The following PLCH1 variants were observed in gnomAD, a reference collection of about 807,000 sequenced individuals.
PLCH1 encodes 1-phosphatidylinositol 4,5-bisphosphate phosphodiesterase eta-1.
PLCH1 carries 60 observed loss-of-function variants against 126.7 expected under a neutral mutation model. That is an observed-to-expected ratio of 0.47 (90% CI 0.38 to 0.59). The LOEUF (loss-of-function observed/expected upper bound fraction) is 0.59, where lower values mean the gene tolerates loss of function less well. Ranked by LOEUF, PLCH1 falls within the 20% of genes least tolerant of loss-of-function variation. PLCH1 has a pLI of 0.00. For synonymous variants in PLCH1, 719 were observed against 734.9 expected, an observed-to-expected ratio of 0.98 and a Z score of 0.35; for missense variants, 1,723 against 2,040.0, an observed-to-expected ratio of 0.84 and a Z score of 2.99.
intron 2 of PLCH1, among the ~76,000 whole-genome samples, chr3:155,655,735 T>C (rs556367746): frequency 6.6e-6 from 1 of 151,762 alleles, no homozygotes; most frequent in Non-Finnish European, 1.5e-5. Flanking sequence ...GAGAAGGGGG[T>C]AGTGGGGACT....
chr3:155,497,445 A>C, intron 14 of PLCH1, 28 bp from the exon 15 acceptor site: 1 of 1,508,148 alleles, frequency 6.6e-7, no homozygotes, highest in South Asian at 1.1e-5. Context: ...AGGATGCATG[A>C]CATTTTGGAG....
At chr3:155,463,939 T>G (rs1227414440) in intron 21 of PLCH1, among the ~76,000 whole-genome samples, 1 of 152,222 alleles carries the variant, frequency 6.6e-6, no homozygotes, top group Non-Finnish European at 1.5e-5. Context: ...TTCATCAGTT[T>G]ATCAGATGTT....
chr3:155,743,158 A>C (rs1184498270), intron 1 of PLCH1: 1 of 380,736 alleles, frequency 2.6e-6, no homozygotes, highest in Non-Finnish European at 5.1e-6. Context: ...ACTTTTGCCA[A>C]ATGCTAGGCT....
intron 4 of PLCH1, among the ~76,000 whole-genome samples, chr3:155,591,838 G>A (rs536353698): frequency 2.0e-5 from 3 of 152,104 alleles, no homozygotes; most frequent in Non-Finnish European, 2.9e-5. Flanking sequence ...CTGAGTAGCC[G>A]GCACTACAGG....
chr3:155,510,726 C>T (rs1719329759), intron 12 of PLCH1, among the ~76,000 whole-genome samples: 1 of 104,396 alleles, frequency 9.6e-6, no homozygotes. Flanking sequence ...GAGAGATCCG[C>T]TGTTAGTCTG....
At chr3:155,453,356 A>G (rs969964266) in intron 21 of PLCH1, among the ~76,000 whole-genome samples, 1 of 152,210 alleles carries the variant, frequency 6.6e-6, no homozygotes, top group Non-Finnish European at 1.5e-5. Flanking sequence ...ATATTATTGT[A>G]TAGTGCTAAC....
At chr3:155,644,998 C>T (rs989777523) in intron 2 of PLCH1, among the ~76,000 whole-genome samples, 5 of 152,114 alleles carry the variant, frequency 3.3e-5, no homozygotes, top group African/African-American at 1.2e-4. Context: ...ACAGTACTTC[C>T]TAATTTTCAA....
At chr3:155,589,359 C>T (rs1043438828) in intron 4 of PLCH1, among the ~76,000 whole-genome samples, 11 of 152,070 alleles carry the variant, frequency 7.2e-5, no homozygotes, top group South Asian at 6.3e-4. Flanking sequence ...TCAGAAATTC[C>T]AATAAAACCT....
chr3:155,603,799 A>G (rs1467058051), intron 2 of PLCH1, among the ~76,000 whole-genome samples: 1 of 152,116 alleles, frequency 6.6e-6, no homozygotes, highest in African/African-American at 2.4e-5. Flanking sequence ...TGATCTCTAT[A>G]TAAAACATAA....
chr3:155,480,740 C>G lies in PLCH1; in HGVS notation c.*228G>C. On this transcript the variant is annotated 3_prime_UTR_variant, in exon 23 of 23. Transcript: ENST00000460012. ...GGCATGCACATATTTCATACTGATA[C>G]AGTTTACAACAACTCAAGGGAGAAA... is the stretch of plus-strand genomic sequence containing the variant. 1.2e-5 allele frequency: 6 copies of G among 496,922 alleles called. No homozygotes were observed. Among genetic ancestry groups the G allele is most frequent in the Non-Finnish European group, 2.1e-5 (6 of 280,662 alleles). 30.8% of individuals were successfully genotyped at this position (496,922 alleles called of 1,614,324 possible).
chr3:155,488,014 A>G lies in PLCH1; in HGVS notation c.2619+14T>C, dbSNP rs1411379903. On this transcript the variant is annotated intron_variant, in intron 21 of 22. Coordinates refer to ENST00000460012, the MANE Select transcript of PLCH1 (RefSeq NM_014996.4). ...ATTAATGTATATGACTTTAAATCCTATGATCTTTCTCACCTTTCCATAGAT... is the reference window on the plus strand; with the variant it reads ...ATTAATGTATATGACTTTAAATCCTGTGATCTTTCTCACCTTTCCATAGAT... 6.9e-7 allele frequency: 1 copy of G among 1,442,872 alleles called. No homozygotes were observed. Among genetic ancestry groups the G allele is most frequent in the South Asian group, 1.1e-5 (1 of 87,626 alleles). The allele number at this position is 1,442,872 out of a possible 1,614,324, so 89.4% of individuals were successfully genotyped here. A position where few individuals can be genotyped will look rare whatever the true frequency, so the allele number is the denominator to read the frequency against.
chr3:155,537,201 CCAAAAAAAAAAA>C (rs1723508193), intron 10 of PLCH1, among the ~76,000 whole-genome samples: 190 of 132,036 alleles, frequency 1.4e-3, no homozygotes, highest in African/African-American at 5.5e-3. Context: ...AAAAAAAAAA[CCAAAAAAAAAAA>C]AAAAAAAAAA....
rs773113575 is a variant in PLCH1, at chr3:155,523,942, G to A, written c.1425C>T (p.Asp475=). Residue 475 remains aspartate (D), a synonymous_variant, in exon 11 of 23, where the codon GAC becomes GAT. Transcript: ENST00000460012. ...ACTCGTCTTCAATTTCATCTGCACT[G>A]TCCTCATCAGAAACTTCCCCTTCCT... is the stretch of plus-strand genomic sequence containing the variant. ...DAEEGEVSDE[D]SADEIEDECK... is the part of the protein sequence containing the mutation. 1.2e-6 allele frequency: 2 copies of A among 1,610,062 alleles called. No homozygotes were observed. The highest frequency in any genetic ancestry group is 3.4e-5 in the Admixed American group (2 of 59,330).
chr3:155,576,945 T>C (rs1486322539), intron 6 of PLCH1, among the ~76,000 whole-genome samples: 2 of 152,226 alleles, frequency 1.3e-5, no homozygotes, highest in Non-Finnish European at 2.9e-5. Context: ...ATGTTATAGA[T>C]TGTAAAACTA....
intron 21 of PLCH1, among the ~76,000 whole-genome samples, chr3:155,469,483 G>A (rs1308509419): frequency 6.6e-6 from 1 of 151,570 alleles, no homozygotes; most frequent in Non-Finnish European, 1.5e-5. Flanking sequence ...CTGCAAGGCG[G>A]CAGCGAGGCT....
intron 20 of PLCH1, 58 bp from the exon 21 acceptor site, chr3:155,488,165 T>A (rs900565175): frequency 4.1e-6 from 4 of 969,660 alleles, no homozygotes; most frequent in Non-Finnish European, 6.6e-6. Flanking sequence ...GGCTTTCTCA[T>A]GGGTGCAACA....
downstream of PLCH1, among the ~76,000 whole-genome samples, chr3:155,479,521 A>G (rs1012245942): frequency 1.2e-4 from 18 of 151,690 alleles, no homozygotes; most frequent in African/African-American, 3.6e-4. Context: ...GCCAAACATA[A>G]CCTCTCACTT....
chr3:155,512,015 G>T (rs1172658676), intron 12 of PLCH1, among the ~76,000 whole-genome samples: 1 of 151,428 alleles, frequency 6.6e-6, no homozygotes, highest in East Asian at 2.0e-4. Context: ...TTCCGTGGGC[G>T]TAGGACCCTC....
intron 10 of PLCH1, among the ~76,000 whole-genome samples, chr3:155,531,684 A>C (rs1722700590): frequency 6.6e-6 from 1 of 152,102 alleles, no homozygotes; most frequent in Non-Finnish European, 1.5e-5. Flanking sequence ...TCTTAGCTAA[A>C]CCTTCTAGAT....
Sources: allele counts gnomAD v4.1 joint callset (sites outside exome capture counted in the v4.1 genomes callset), GRCh38; gene constraint gnomAD v4.1.1; transcripts MANE v1.5; gene names NCBI Gene and HGNC (gene_info 2026-07-23, HGNC 2026-07-21).